Variants in SAMD12 observed in about 807,000 individuals in gnomAD.
SAMD12 encodes the protein sterile alpha motif domain-containing protein 12.
SAMD12 carries 9 observed loss-of-function variants against 15.0 expected under a neutral mutation model. The ratio of observed to expected loss-of-function variants is 0.60; its 90% CI spans 0.36 to 1.05. The LOEUF (loss-of-function observed/expected upper bound fraction) is 1.05, where lower values mean the gene tolerates loss of function less well. Ranked by LOEUF, SAMD12 falls within the 50% of genes least tolerant of loss-of-function variation. SAMD12 has a pLI of 0.01. For synonymous variants in SAMD12, 86 were observed against 90.1 expected, an observed-to-expected ratio of 0.96 and a Z score of 0.25; for missense variants, 230 against 234.2, an observed-to-expected ratio of 0.98 and a Z score of 0.12.
chr8:118,179,352 G>C, the SAMD12 span, among the ~76,000 whole-genome samples: 1,608 of 150,978 alleles, frequency 0.011, 35 homozygotes, highest in African/African-American at 0.037. Flanking sequence ...CAAGAGAATC[G>C]CTTGAACCTG....
intron 4 of SAMD12, among the ~76,000 whole-genome samples, chr8:118,231,960 G>A (rs991415207): frequency 6.6e-6 from 1 of 152,048 alleles, no homozygotes; most frequent in Non-Finnish European, 1.5e-5. Flanking sequence ...TGGATTGAAT[G>A]GAGAAGTCTT....
intron 2 of SAMD12, among the ~76,000 whole-genome samples, chr8:118,458,297 TA>T (rs1386238822): frequency 6.6e-6 from 1 of 152,232 alleles, no homozygotes; most frequent in East Asian, 1.9e-4. Flanking sequence ...GCCAGGTTGT[TA>T]AATTAAAAAC....
chr8:118,414,642 G>A (rs1821591961), intron 3 of SAMD12, among the ~76,000 whole-genome samples: 1 of 152,008 alleles, frequency 6.6e-6, no homozygotes, highest in Admixed American at 6.6e-5. Flanking sequence ...GGTGGGGTAG[G>A]GATTATCTTC....
intron 2 of SAMD12, among the ~76,000 whole-genome samples, chr8:118,525,566 G>A (rs1825515141): frequency 6.6e-6 from 1 of 152,078 alleles, no homozygotes; most frequent in African/African-American, 2.4e-5. Flanking sequence ...AGTGCATCAG[G>A]TGCTTCTAAC....
intron 2 of SAMD12, among the ~76,000 whole-genome samples, chr8:118,570,763 A>C (rs965642150): frequency 1.3e-5 from 2 of 152,062 alleles, no homozygotes; most frequent in East Asian, 3.9e-4. Flanking sequence ...CTGTGTCCCC[A>C]CCCAAATCTC....
intron 2 of SAMD12, among the ~76,000 whole-genome samples, chr8:118,443,787 C>T (rs896710901): frequency 4.6e-5 from 7 of 152,178 alleles, no homozygotes; most frequent in African/African-American, 1.7e-4. Flanking sequence ...GGGTCAATCT[C>T]AGTTACTCCC....
chr8:118,273,978 G>A (rs562115544), intron 4 of SAMD12, among the ~76,000 whole-genome samples: 5 of 152,334 alleles, frequency 3.3e-5, no homozygotes, highest in East Asian at 1.9e-4. Context: ...TGCACTCAAC[G>A]TAAGGTATTG....
chr8:118,440,039 G>A, intron 2 of SAMD12, 78 bp from the exon 3 acceptor site: 1 of 1,428,382 alleles, frequency 7.0e-7, no homozygotes, highest in Non-Finnish European at 9.7e-7. Flanking sequence ...CTTAGAGTGT[G>A]TTAAAGGCTA....
At chr8:118,587,174 T>G (rs1827472983) in intron 1 of SAMD12, among the ~76,000 whole-genome samples, 1 of 152,312 alleles carries the variant, frequency 6.6e-6, no homozygotes, top group Admixed American at 6.5e-5. Flanking sequence ...GATAGGTTAT[T>G]TCAAATTTCA....
At chr8:118,550,319 C>G (rs749710821) in intron 2 of SAMD12, among the ~76,000 whole-genome samples, 1 of 152,222 alleles carries the variant, frequency 6.6e-6, no homozygotes, top group Non-Finnish European at 1.5e-5. Flanking sequence ...ATCAGACTAA[C>G]AGTGGATCTC....
intron 2 of SAMD12, among the ~76,000 whole-genome samples, chr8:118,459,432 T>C (rs1033329499): frequency 8.5e-5 from 13 of 152,332 alleles, no homozygotes; most frequent in Admixed American, 4.6e-4. Flanking sequence ...TTCTGATTTA[T>C]AGGGTTAAAA....
intron 4 of SAMD12, among the ~76,000 whole-genome samples, chr8:118,205,653 T>C (rs1458705931): frequency 6.6e-6 from 1 of 152,246 alleles, no homozygotes; most frequent in Non-Finnish European, 1.5e-5. Context: ...CTAGATGGGA[T>C]AGGAAGGCCT....
chr8:118,260,510 T>G lies in SAMD12; in HGVS notation c.434-62778A>C, dbSNP rs961683858. ...AGAGTATCCTGAGGGAGTTCCTAGT[T>G]GTGCTGGATTCTTCCCTTTGCTCTT... On this transcript the variant is annotated intron_variant, in intron 4 of 4. Coordinates refer to the SAMD12 transcript ENST00000409003. Among the ~76,000 whole-genome samples, 2 of 152,100 alleles carry G rather than the reference T, an allele frequency of 1.3e-5. 1 individual carries two copies. The highest frequency in any genetic ancestry group is 2.9e-5 in the Non-Finnish European group (2 of 67,990).
intron 3 of SAMD12, among the ~76,000 whole-genome samples, chr8:118,397,913 C>T (rs552346414): frequency 1.3e-5 from 2 of 152,274 alleles, no homozygotes; most frequent in African/African-American, 4.8e-5. Flanking sequence ...CCATCTCAGC[C>T]CCGCAGTAGC....
intron 4 of SAMD12, among the ~76,000 whole-genome samples, chr8:118,254,901 C>A (rs1307659052): frequency 6.6e-6 from 1 of 151,992 alleles, no homozygotes; most frequent in African/African-American, 2.4e-5. Flanking sequence ...GCTTGAGAGT[C>A]CTACAGATCA....
intron 4 of SAMD12, among the ~76,000 whole-genome samples, chr8:118,269,260 G>GTT (rs1813286315): frequency 1.5e-5 from 2 of 137,222 alleles, no homozygotes; most frequent in African/African-American, 5.8e-5. Context: ...GTGTGTGTGT[G>GTT]TAAGCAGGAA....
intron 2 of SAMD12, among the ~76,000 whole-genome samples, chr8:118,523,752 C>T (rs769573818): frequency 6.6e-6 from 1 of 152,112 alleles, no homozygotes; most frequent in Non-Finnish European, 1.5e-5. Context: ...CTACTCCAAT[C>T]ACTCATGGTC....
At chr8:118,304,255 G>A (rs1450033314) in intron 4 of SAMD12, among the ~76,000 whole-genome samples, 1 of 152,172 alleles carries the variant, frequency 6.6e-6, no homozygotes, top group Non-Finnish European at 1.5e-5. Context: ...TTTGGGAGAT[G>A]GGGAGATAAT....
intron 3 of SAMD12, among the ~76,000 whole-genome samples, chr8:118,388,736 G>T (rs1820098925): frequency 6.6e-6 from 1 of 152,116 alleles, no homozygotes; most frequent in Non-Finnish European, 1.5e-5. Flanking sequence ...TAAGAAGAAA[G>T]TTCTCTTTCT....
Sources: gnomAD v4.1 joint callset for allele counts (sites outside exome capture counted in the v4.1 genomes callset) on GRCh38, gnomAD v4.1.1 for gene constraint, MANE v1.5 for transcripts, NCBI Gene and HGNC (gene_info 2026-07-23, HGNC 2026-07-21) for gene names.